The following RALYL variants were observed in gnomAD, a reference collection of about 807,000 sequenced individuals.
RALYL encodes the protein RALY RNA binding protein like.
Under a neutral mutation model 35.1 loss-of-function variants are expected in RALYL, and 29 were observed. That is an observed-to-expected ratio of 0.83 (90% CI 0.61 to 1.13). RALYL has a LOEUF of 1.13. RALYL is among the 50% of genes most tolerant of loss of function. The pLI is 0.00. For synonymous variants in RALYL, 120 were observed against 127.6 expected, an observed-to-expected ratio of 0.94 and a Z score of 0.40; for missense variants, 359 against 360.4, an observed-to-expected ratio of 1.00 and a Z score of 0.03.
intron 8 of RALYL, among the ~76,000 whole-genome samples, chr8:84,890,979 T>C (rs1843747336): frequency 6.6e-6 from 1 of 151,934 alleles, no homozygotes; most frequent in Non-Finnish European, 1.5e-5. Context: ...CCCCTACATA[T>C]ACCATTAAGG....
chr8:84,916,133 C>A (rs544714286), intron 8 of RALYL, among the ~76,000 whole-genome samples: 15 of 152,088 alleles, frequency 9.9e-5, no homozygotes, highest in African/African-American at 3.6e-4. Context: ...AAAGGAGGAA[C>A]TTAATGTTAA....
chr8:84,401,730 A>G (rs900695270), intron 1 of RALYL, among the ~76,000 whole-genome samples: 2 of 151,394 alleles, frequency 1.3e-5, no homozygotes, highest in East Asian at 3.9e-4. Context: ...GCAGTACATC[A>G]GAGAATATTC....
At chr8:84,667,486 T>C (rs546888392) in intron 2 of RALYL, among the ~76,000 whole-genome samples, 8 of 152,188 alleles carry the variant, frequency 5.3e-5, no homozygotes, top group Admixed American at 3.9e-4. Flanking sequence ...TGCAGTACAG[T>C]GGGTATAGGA....
intron 1 of RALYL, among the ~76,000 whole-genome samples, chr8:84,245,182 C>A (rs1442886877): frequency 6.6e-6 from 1 of 152,114 alleles, no homozygotes; most frequent in African/African-American, 2.4e-5. Flanking sequence ...ACAAATCTAC[C>A]CTTGCTCTAG....
chr8:84,769,632 G>A (rs1293987658), intron 2 of RALYL, among the ~76,000 whole-genome samples: 1 of 152,076 alleles, frequency 6.6e-6, no homozygotes, highest in Admixed American at 6.6e-5. Flanking sequence ...AGGGTGGTAG[G>A]TGACTGCAAT....
chr8:84,262,385 C>T (rs1272044202), intron 1 of RALYL, among the ~76,000 whole-genome samples: 1 of 152,102 alleles, frequency 6.6e-6, no homozygotes, highest in Non-Finnish European at 1.5e-5. Context: ...TGAAAACAGA[C>T]AATCTTTCAA....
chr8:84,442,829 G>A lies in RALYL; in HGVS notation c.-23-86470G>A, dbSNP rs148368040. Among the ~76,000 whole-genome samples the A allele has an allele frequency of 8.4e-3, 1,283 of 152,184 alleles. 9 individuals are homozygous for A. Among genetic ancestry groups the A allele is most frequent in the African/African-American group, 0.028 (1,173 of 41,532 alleles). ...CGTACCAATCTACCTGCCACTTACC[G>A]AGTGACAGCCAGCATCTTCTGTTGG... On this transcript the variant is annotated intron_variant, in intron 1 of 8. Transcript: ENST00000521268.
intron 4 of RALYL, among the ~76,000 whole-genome samples, chr8:84,832,590 G>A (rs1035123672): frequency 1.3e-5 from 2 of 152,210 alleles, no homozygotes; most frequent in East Asian, 3.9e-4. Context: ...AACTGAACTA[G>A]TACTAAGGGA....
chr8:84,421,548 C>G (rs1464107822), intron 1 of RALYL, among the ~76,000 whole-genome samples: 3,736 of 89,972 alleles, frequency 0.042, no homozygotes, highest in Non-Finnish European at 0.046. Flanking sequence ...TTTCCTTCTC[C>G]TGCCTAATTG....
At chr8:84,444,028 A>C (rs1243760289) in intron 1 of RALYL, among the ~76,000 whole-genome samples, 1 of 152,092 alleles carries the variant, frequency 6.6e-6, no homozygotes, top group Non-Finnish European at 1.5e-5. Context: ...ATAAGTATTC[A>C]AATAAAAAAC....
chr8:84,898,992 C>T (rs891336490), intron 8 of RALYL, among the ~76,000 whole-genome samples: 33 of 152,130 alleles, frequency 2.2e-4, no homozygotes, highest in Non-Finnish European at 2.4e-4. Context: ...GGATCCCTCA[C>T]GCATAGCACA....
chr8:84,407,856 C>T (rs188549868), intron 1 of RALYL, among the ~76,000 whole-genome samples: 3 of 151,900 alleles, frequency 2.0e-5, no homozygotes, highest in African/African-American at 7.3e-5. Context: ...TTCATAGCAA[C>T]CCTATTAATT....
At chr8:84,297,840 GTCT>G in intron 1 of RALYL, among the ~76,000 whole-genome samples, 1 of 152,138 alleles carries the variant, frequency 6.6e-6, no homozygotes, top group East Asian at 1.9e-4. Flanking sequence ...TTGCGTGTAT[GTCT>G]TCTTTTAAGA....
At chr8:84,330,417 A>AT (rs1183528215) in intron 1 of RALYL, among the ~76,000 whole-genome samples, 3 of 151,968 alleles carry the variant, frequency 2.0e-5, no homozygotes, top group Non-Finnish European at 2.9e-5. Flanking sequence ...GGGCATAAAG[A>AT]TTCATGCATA....
At chr8:84,823,682 T>C (rs147131008) in intron 4 of RALYL, among the ~76,000 whole-genome samples, 47 of 152,234 alleles carry the variant, frequency 3.1e-4, no homozygotes, top group Non-Finnish European at 5.4e-4. Flanking sequence ...GACACCTCTT[T>C]ATTTTCCTCT....
chr8:84,621,599 A>G (rs1003231522), intron 2 of RALYL, among the ~76,000 whole-genome samples: 2 of 152,172 alleles, frequency 1.3e-5, no homozygotes, highest in Non-Finnish European at 2.9e-5. Flanking sequence ...AGCTGTTCCT[A>G]TTCAGCCATC....
At chr8:84,872,491 T>C (rs1300325958) in intron 6 of RALYL, 1 of 152,232 alleles carries the variant, frequency 6.6e-6, no homozygotes, top group Non-Finnish European at 1.5e-5. Flanking sequence ...CTTTTTCCCT[T>C]ATAAAATAAT....
intron 2 of RALYL, among the ~76,000 whole-genome samples, chr8:84,547,850 AC>A (rs2060467980): frequency 6.6e-6 from 1 of 152,076 alleles, no homozygotes. Flanking sequence ...ATGGGTCCTT[AC>A]CCAGGTTTCC....
chr8:84,898,981 T>G (rs1845213967), intron 8 of RALYL, among the ~76,000 whole-genome samples: 1 of 152,190 alleles, frequency 6.6e-6, no homozygotes, highest in African/African-American at 2.4e-5. Context: ...TTTTTCTTTG[T>G]GGATCCCTCA....
Sources: allele counts gnomAD v4.1 joint callset (sites outside exome capture counted in the v4.1 genomes callset), GRCh38; gene constraint gnomAD v4.1.1; transcripts MANE v1.5; gene names NCBI Gene and HGNC (gene_info 2026-07-23, HGNC 2026-07-21).